The following FHIP2A variants were observed in gnomAD, a reference collection of about 807,000 sequenced individuals.
FHIP2A encodes the protein FHF complex subunit HOOK interacting protein 2A, also known as family with sequence similarity 160 member B1.
In FHIP2A, 46 loss-of-function variants were observed where a neutral mutation model predicts 93.5. The observed-to-expected ratio is 0.49, with a 90% CI of 0.39 to 0.63. FHIP2A has a LOEUF of 0.63. FHIP2A is among the 20% of genes least tolerant of loss of function. FHIP2A has a pLI of 0.00. For synonymous variants in FHIP2A, 332 were observed against 326.5 expected (o/e 1.02, Z -0.18); for missense variants, 769 against 909.7 (o/e 0.85, Z 1.99).
intron 5 of FHIP2A, among the ~76,000 whole-genome samples, chr10:114,840,536 T>G (rs1011157075): frequency 1.2e-4 from 18 of 152,090 alleles, no homozygotes; most frequent in African/African-American, 3.6e-4. Context: ...AGAGGAGAGA[T>G]AAAATCAGGG....
At chr10:114,899,572 G>C in exon 17 of FHIP2A, 1 of 716,484 alleles carries the variant, frequency 1.4e-6, no homozygotes, top group Non-Finnish European at 2.6e-6. Context: ...AAAGAATCTC[G>C]ATGGTTTCCA....
chr10:114,870,792 T>C lies in FHIP2A; in HGVS notation c.2192+9458T>C, dbSNP rs569984944. ...TTCAGTGGGGCTTACTAAGCTCTTG[T>C]CCTTCTGTTCCAAATCCACTCCTCT... On this transcript the variant is annotated intron_variant, in intron 16 of 16. Transcript: ENST00000369250. Among the ~76,000 whole-genome samples the C allele has an allele frequency of 5.3e-5, 8 of 152,296 alleles. No individual in the cohort carries two copies. In the South Asian group the frequency reaches 6.2e-4, roughly 12 times the overall value.
chr10:114,882,492 G>A (rs7097571), intron 16 of FHIP2A, among the ~76,000 whole-genome samples: 12,731 of 152,202 alleles, frequency 0.084, 1,053 homozygotes, highest in African/African-American at 0.2. Context: ...GAAGTGCTAG[G>A]CAGTGTTTGA....
intron 4 of FHIP2A, 64 bp downstream of exon 4, chr10:114,835,705 T>C: frequency 9.8e-7 from 1 of 1,023,706 alleles, no homozygotes; most frequent in Non-Finnish European, 1.4e-6. Flanking sequence ...AATAATTTTA[T>C]ATTATTTTTC....
At chr10:114,824,150 C>G (rs1375901597) in intron 1 of FHIP2A, among the ~76,000 whole-genome samples, 2 of 152,152 alleles carry the variant, frequency 1.3e-5, no homozygotes, top group Non-Finnish European at 2.9e-5. Flanking sequence ...ATCCTCAGAT[C>G]TTAGGGGTAG....
At chr10:114,845,334 CTT>C (rs1015965451) in intron 7 of FHIP2A, 31 bp from the exon 8 acceptor site, 9 of 1,293,952 alleles carry the variant, frequency 7.0e-6, no homozygotes, top group Middle Eastern at 1.8e-4. Context: ...TTTTGGATAA[CTT>C]TGGACTTAGC....
At chr10:114,828,235 A>G (rs1215498338) in intron 1 of FHIP2A, among the ~76,000 whole-genome samples, 1 of 152,194 alleles carries the variant, frequency 6.6e-6, no homozygotes, top group Non-Finnish European at 1.5e-5. Flanking sequence ...GGAGGTATTC[A>G]CAAAGTAACA....
intron 16 of FHIP2A, among the ~76,000 whole-genome samples, chr10:114,877,806 C>T (rs1328059869): frequency 2.6e-5 from 4 of 152,224 alleles, no homozygotes; most frequent in South Asian, 4.1e-4. Flanking sequence ...AGTCATCTTG[C>T]GTCTGGAAGC....
intron 16 of FHIP2A, among the ~76,000 whole-genome samples, chr10:114,888,863 A>G (rs573440288): frequency 2.0e-5 from 3 of 152,258 alleles, no homozygotes; most frequent in East Asian, 3.9e-4. Context: ...TCGGCTTCTC[A>G]AAGTGCTGGG....
rs886954827 is a variant in FHIP2A, at chr10:114,880,930, C to T, written c.2193-18560C>T. On this transcript the variant is annotated intron_variant, in intron 16 of 16. Coordinates refer to the FHIP2A transcript ENST00000369250. ...TTGTAGAAGCAGCAACAGGGACCTT[C>T]CCTCCTTACAAGGCCATCTCAATTA... Among the ~76,000 whole-genome samples, 6 of 152,224 alleles carry T rather than the reference C, an allele frequency of 3.9e-5. No individual in the cohort carries two copies. In the East Asian group the frequency reaches 1.2e-3, roughly 29 times the overall value.
chr10:114,823,661 ATT>A (rs71007496), intron 1 of FHIP2A, among the ~76,000 whole-genome samples: 129 of 139,464 alleles, frequency 9.2e-4, no homozygotes, highest in Admixed American at 1.2e-3. Context: ...CACACGGCTA[ATT>A]TTTTTTTTTT....
chr10:114,871,676 C>A (rs1046069701), intron 16 of FHIP2A, among the ~76,000 whole-genome samples: 2 of 152,110 alleles, frequency 1.3e-5, no homozygotes, highest in Non-Finnish European at 2.9e-5. Flanking sequence ...CACTGTTAAC[C>A]CCAATCTAGC....
intron 1 of FHIP2A, among the ~76,000 whole-genome samples, chr10:114,822,949 A>G (rs189334067): frequency 6.6e-6 from 1 of 152,260 alleles, no homozygotes; most frequent in Non-Finnish European, 1.5e-5. Context: ...AAAAGAAACT[A>G]AAAAGAAAAT....
intron 5 of FHIP2A, among the ~76,000 whole-genome samples, chr10:114,838,493 A>G (rs1321696397): frequency 6.6e-6 from 1 of 151,844 alleles, no homozygotes; most frequent in African/African-American, 2.4e-5. Flanking sequence ...ATTTATAATG[A>G]TATTAGAATT....
downstream of FHIP2A, among the ~76,000 whole-genome samples, chr10:114,864,975 T>C (rs1028546813): frequency 4.6e-5 from 7 of 150,918 alleles, no homozygotes; most frequent in South Asian, 1.3e-3. Flanking sequence ...GGAATGTTTA[T>C]GCACGTCTCA....
rs2083636323 is a variant in FHIP2A, at chr10:114,836,241, C to G, written c.517C>G (p.Leu173Val). The G allele has an allele frequency of 6.3e-7, 1 of 1,588,780 alleles. No individual in the cohort carries two copies. Among genetic ancestry groups the G allele is most frequent in the African/African-American group, 1.3e-5 (1 of 74,560 alleles). ...KQDPYLVNFF[L>V]ENKMKSLASK... Reference sequence around the variant, plus strand: ...GGACCCCTACCTGGTTAACTTTTTCCTAGAGGTATGATACACTTTTTATCA... The same window carrying G: ...GGACCCCTACCTGGTTAACTTTTTCGTAGAGGTATGATACACTTTTTATCA... The change falls in exon 5 of 17, where the codon CTA (leucine) becomes GTA (valine). Residue 173 changes from leucine to valine, a missense_variant. Coordinates refer to ENST00000369248, the MANE Select transcript of FHIP2A (RefSeq NM_020940.4).
At chr10:114,833,651 A>G (rs2083621103) in intron 3 of FHIP2A, among the ~76,000 whole-genome samples, 1 of 152,212 alleles carries the variant, frequency 6.6e-6, no homozygotes, top group African/African-American at 2.4e-5. Flanking sequence ...ATTTATGAAA[A>G]TAAACTCAAG....
At chr10:114,856,787 C>T (rs973570277) in intron 14 of FHIP2A, among the ~76,000 whole-genome samples, 6 of 152,288 alleles carry the variant, frequency 3.9e-5, no homozygotes, top group South Asian at 2.1e-4. Flanking sequence ...CATAGCACAG[C>T]GCTGATTCAT....
At chr10:114,853,393 G>A (rs2083747729) in intron 13 of FHIP2A, among the ~76,000 whole-genome samples, 1 of 151,688 alleles carries the variant, frequency 6.6e-6, no homozygotes, top group Admixed American at 6.6e-5. Flanking sequence ...ATCTGCATAT[G>A]CACATAGTTA....
Sources: gnomAD v4.1 joint callset for allele counts (sites outside exome capture counted in the v4.1 genomes callset) on GRCh38, gnomAD v4.1.1 for gene constraint, MANE v1.5 for transcripts, NCBI Gene and HGNC (gene_info 2026-07-23, HGNC 2026-07-21) for gene names.